The following ST6GAL1 variants were observed in gnomAD, a reference collection of about 807,000 sequenced individuals.
ST6GAL1 encodes ST6 beta-galactoside alpha-2,6-sialyltransferase 1, also known as beta-galactoside alpha-2,6-sialyltransferase 1.
In ST6GAL1, 20 loss-of-function variants were observed where a neutral mutation model predicts 38.0. The ratio of observed to expected loss-of-function variants is 0.53; its 90% CI spans 0.37 to 0.77. The LOEUF (loss-of-function observed/expected upper bound fraction) is 0.77, where lower values mean the gene tolerates loss of function less well. Among genes scored for constraint, ST6GAL1 ranks in the 30% least tolerant of loss-of-function variants. The pLI is 0.00. For missense variants in ST6GAL1, 432 were observed against 496.4 expected (o/e 0.87, Z 1.23); for synonymous variants, 196 against 188.2 (o/e 1.04, Z -0.34).
intron 1 of ST6GAL1, among the ~76,000 whole-genome samples, chr3:186,950,722 C>T (rs988839350): frequency 5.3e-5 from 8 of 152,158 alleles, no homozygotes; most frequent in Non-Finnish European, 8.8e-5. Flanking sequence ...TAAAAAGAAC[C>T]GGAGAAGACC....
At chr3:187,035,861 A>G (rs886530419) in intron 2 of ST6GAL1, among the ~76,000 whole-genome samples, 24 of 152,014 alleles carry the variant, frequency 1.6e-4, no homozygotes, top group African/African-American at 5.3e-4. Context: ...GATTTATGAC[A>G]AAGTACTTAA....
chr3:187,002,969 T>C (rs770530073), intron 2 of ST6GAL1, among the ~76,000 whole-genome samples: 4 of 152,148 alleles, frequency 2.6e-5, no homozygotes, highest in Non-Finnish European at 5.9e-5. Context: ...AATAAAACAA[T>C]GGCTTATGCA....
chr3:186,955,499 CT>C (rs370729803), intron 1 of ST6GAL1, among the ~76,000 whole-genome samples: 8 of 149,176 alleles, frequency 5.4e-5, no homozygotes, highest in African/African-American at 1.2e-4. Context: ...TGTGTCTTCT[CT>C]TTTTTTTTTC....
At chr3:186,949,992 C>G (rs1320071301) in intron 1 of ST6GAL1, among the ~76,000 whole-genome samples, 1 of 152,198 alleles carries the variant, frequency 6.6e-6, no homozygotes, top group African/African-American at 2.4e-5. Context: ...TGATGGGCCA[C>G]TTTGCTAGGG....
At chr3:187,048,291 C>G (rs1204472111) in intron 4 of ST6GAL1, among the ~76,000 whole-genome samples, 1 of 152,132 alleles carries the variant, frequency 6.6e-6, no homozygotes, top group African/African-American at 2.4e-5. Flanking sequence ...ACCTGGGCCC[C>G]CATGTCCGTG....
chr3:186,979,873 G>T (rs529986384), intron 2 of ST6GAL1, among the ~76,000 whole-genome samples: 97 of 152,212 alleles, frequency 6.4e-4, no homozygotes, highest in Middle Eastern at 3.4e-3. Flanking sequence ...AAAATAATAG[G>T]GATGCAGCTT....
At chr3:187,004,393 CT>C (rs1402867856) in intron 2 of ST6GAL1, among the ~76,000 whole-genome samples, 1 of 152,236 alleles carries the variant, frequency 6.6e-6, no homozygotes. Context: ...GAGCCCAGGA[CT>C]TTTCCTAAGA....
chr3:186,967,530 G>C (rs540393619), intron 2 of ST6GAL1, among the ~76,000 whole-genome samples: 8 of 152,258 alleles, frequency 5.3e-5, no homozygotes, highest in Admixed American at 2.0e-4. Flanking sequence ...GCTAACTGGG[G>C]AACAAACCAG....
chr3:186,974,918 G>A (rs1715473648), intron 2 of ST6GAL1: 2 of 152,192 alleles, frequency 1.3e-5, no homozygotes, highest in South Asian at 2.1e-4. Flanking sequence ...TGGAAGGCAA[G>A]GCAAAGGCCT....
In ST6GAL1 at chr3:187,051,361, G is replaced by T. The variant is rs1718508656; in HGVS notation, c.705+15G>T. 5 of 1,612,032 alleles carry T rather than the reference G, an allele frequency of 3.1e-6. No homozygotes were observed. Among genetic ancestry groups the T allele is most frequent in the Non-Finnish European group, 4.2e-6 (5 of 1,178,308 alleles). The stretch of plus-strand genomic sequence containing the variant: ...TGAACTCTCAGGTAAAATTTCTTCT[G>T]TGCAGCTATGGAGTAAGAGAAGGAC... On this transcript the variant is annotated intron_variant, in intron 5 of 7. Transcript: ENST00000169298.
rs1038441768 is a variant in ST6GAL1, at chr3:186,952,286, G to A, written c.-324-11499G>A. On this transcript the variant is annotated intron_variant, in intron 1 of 7. Coordinates refer to ENST00000169298, the MANE Select transcript of ST6GAL1 (RefSeq NM_173216.2). This position sits in a 1 kb window ranked among gnomAD's most constrained non-coding sequence, Gnocchi z 4.1. Reference sequence around the variant, plus strand: ...CCCATCACACCACCAAAACCATACCGGTCAGGCTCACCAGTATCCTCTCTT... The same window carrying A: ...CCCATCACACCACCAAAACCATACCAGTCAGGCTCACCAGTATCCTCTCTT... Among the ~76,000 whole-genome samples, 3 of 151,978 alleles carry A rather than the reference G, an allele frequency of 2.0e-5. No individual in the cohort carries two copies. The highest frequency in any genetic ancestry group is 7.3e-5 in the African/African-American group (3 of 41,358).
chr3:187,008,632 T>G (rs193111312), intron 2 of ST6GAL1, among the ~76,000 whole-genome samples: 402 of 152,268 alleles, frequency 2.6e-3, no homozygotes, highest in African/African-American at 9.2e-3. Context: ...TAATGGAAGT[T>G]TTTCAACCTG....
chr3:186,999,524 G>A lies in ST6GAL1; in HGVS notation c.-183+35598G>A, dbSNP rs576202129. Among the ~76,000 whole-genome samples, 3 of 150,930 alleles carry A rather than the reference G, an allele frequency of 2.0e-5. No individual in the cohort carries two copies. The South Asian group carries it at 6.3e-4, about 31-fold the overall frequency. On this transcript the variant is annotated intron_variant, in intron 2 of 7. Coordinates refer to ENST00000169298, the MANE Select transcript of ST6GAL1 (RefSeq NM_173216.2). ...CCTCCCTGGTTCAGGCCATTCTCCT[G>A]CCTCAGCCTCCCGAGTAGCTGGGAC...
intron 2 of ST6GAL1, among the ~76,000 whole-genome samples, chr3:187,028,767 A>G (rs1369023344): frequency 1.3e-5 from 2 of 152,238 alleles, no homozygotes. Flanking sequence ...TGATGAAACC[A>G]GTTCAGTTGT....
intron 5 of ST6GAL1, among the ~76,000 whole-genome samples, chr3:187,067,962 T>G (rs1189540241): frequency 6.6e-6 from 1 of 152,180 alleles, no homozygotes; most frequent in Non-Finnish European, 1.5e-5. Context: ...CATACTCCTA[T>G]CCAGTGTTCT....
At chr3:187,024,402 T>G (rs1241556571) in intron 2 of ST6GAL1, among the ~76,000 whole-genome samples, 3 of 140,942 alleles carry the variant, frequency 2.1e-5, no homozygotes, top group African/African-American at 8.0e-5. Flanking sequence ...CTAAATGTTT[T>G]ATATATATAT....
intron 2 of ST6GAL1, among the ~76,000 whole-genome samples, chr3:187,003,743 G>C (rs1000008282): frequency 1.3e-5 from 2 of 152,164 alleles, no homozygotes; most frequent in African/African-American, 4.8e-5. Flanking sequence ...AAATCCGTCA[G>C]ACAGCAGTGA....
chr3:187,064,823 A>G (rs1289701989), intron 5 of ST6GAL1, among the ~76,000 whole-genome samples: 13 of 152,162 alleles, frequency 8.5e-5, no homozygotes, highest in Admixed American at 8.5e-4. Context: ...CAGTTATCCT[A>G]ACTATTTTGT....
chr3:187,036,466 A>G (rs1375018503), intron 2 of ST6GAL1, among the ~76,000 whole-genome samples: 1 of 152,214 alleles, frequency 6.6e-6, no homozygotes, highest in Non-Finnish European at 1.5e-5. Flanking sequence ...TTATTGCAGC[A>G]CTATTCACAA....
Sources: allele counts gnomAD v4.1 joint callset (sites outside exome capture counted in the v4.1 genomes callset), GRCh38; gene constraint gnomAD v4.1.1; non-coding constraint Gnocchi (gnomAD v3.1); transcripts MANE v1.5; gene names NCBI Gene and HGNC (gene_info 2026-07-23, HGNC 2026-07-21).